The following WDR62 variants were observed in gnomAD, a reference collection of about 807,000 sequenced individuals.
WDR62 encodes the protein WD repeat domain 62.
In WDR62, 112 loss-of-function variants were observed where a neutral mutation model predicts 160.6. The ratio of observed to expected loss-of-function variants is 0.70; its 90% CI spans 0.60 to 0.82. The LOEUF is 0.82. Ranked by LOEUF, WDR62 falls within the 40% of genes least tolerant of loss-of-function variation. The probability of loss-of-function intolerance (pLI) is 0.00; values close to 1 mark genes in which losing one functional copy is unlikely to be tolerated. For synonymous variants in WDR62, 792 were observed against 815.1 expected (o/e 0.97, Z 0.48); for missense variants, 1,819 against 1,983.8 (o/e 0.92, Z 1.58).
At chr19:36,056,381 G>A (rs1175851019) in intron 1 of WDR62, among the ~76,000 whole-genome samples, 3 of 152,110 alleles carry the variant, frequency 2.0e-5, no homozygotes, top group Non-Finnish European at 4.4e-5. Context: ...CTGTCACCAA[G>A]GTTCAGTCAC....
intron 3 of WDR62, chr19:36,060,404 G>T (rs546937943): frequency 1.1e-5 from 3 of 272,640 alleles, no homozygotes; most frequent in Non-Finnish European, 2.2e-5. Flanking sequence ...TGAAGGAAGC[G>T]AGAGGGTGAC....
Position 36,084,878 on chromosome 19 carries a change from T to C in WDR62, c.1642+134T>C, listed in dbSNP as rs879779749. 10 of 804,666 alleles carry C rather than the reference T, an allele frequency of 1.2e-5. No individual in the cohort carries two copies. In the Admixed American group the frequency reaches 2.0e-4, roughly 16 times the overall value. The allele number at this position is 804,666 out of a possible 1,614,324, so 49.8% of individuals were successfully genotyped here. A position where few individuals can be genotyped will look rare whatever the true frequency, so the allele number is the denominator to read the frequency against. ...GAGTTTTGTGTTCGGTAAGGGCCCC[T>C]GTAGCTGGACCCTGAGACCAGAGTG... On this transcript the variant is annotated intron_variant, in intron 12 of 31. Transcript: ENST00000401500.
At chr19:36,074,027 G>A in intron 9 of WDR62, 2 of 324,198 alleles carry the variant, frequency 6.2e-6, no homozygotes, top group South Asian at 2.6e-5. Context: ...GACGGGGCAT[G>A]GTGGCTCACA....
chr19:36,060,576 C>T (rs1422792500), intron 3 of WDR62: 3 of 167,126 alleles, frequency 1.8e-5, no homozygotes, highest in Non-Finnish European at 2.6e-5. Flanking sequence ...AGCCACATCC[C>T]GTAGGCCTTG....
At chr19:36,056,903 T>C (rs1222764193) in intron 1 of WDR62, among the ~76,000 whole-genome samples, 1 of 151,592 alleles carries the variant, frequency 6.6e-6, no homozygotes. Context: ...TCAGCCTCCC[T>C]GGGCTCAGGT....
At chr19:36,090,942 A>G (rs535000756) in intron 16 of WDR62, among the ~76,000 whole-genome samples, 2 of 152,230 alleles carry the variant, frequency 1.3e-5, no homozygotes, top group African/African-American at 2.4e-5. Flanking sequence ...CTTGAAATGC[A>G]CACAGACAGC....
Position 36,101,543 on chromosome 19 carries a change from G to T in WDR62, c.2972-121G>T, listed in dbSNP as rs529879979. ...AACTTCCCTTATTCATAAAATGGGG[G>T]GCAGCTGCTCTTACCATCCCTCCTC... On this transcript the variant is annotated intron_variant, in intron 24 of 31. Coordinates refer to ENST00000401500, the MANE Select transcript of WDR62 (RefSeq NM_001083961.2). 17 of 839,232 alleles carry T rather than the reference G, an allele frequency of 2.0e-5. No individual in the cohort carries two copies. The African/African-American group carries it at 2.5e-4, about 12-fold the overall frequency. The allele number at this position is 839,232 out of a possible 1,614,324, so 52.0% of individuals were successfully genotyped here.
chr19:36,098,784 A>G (rs143870312), intron 21 of WDR62, among the ~76,000 whole-genome samples: 13 of 152,258 alleles, frequency 8.5e-5, no homozygotes, highest in African/African-American at 2.9e-4. Flanking sequence ...GAGCAGTCAC[A>G]TGTGCAATTC....
In WDR62 at chr19:36,067,434, T is replaced by C; in HGVS notation, c.690T>C (p.Thr230=). 5 of 1,614,212 alleles carry C rather than the reference T, an allele frequency of 3.1e-6. No homozygotes were observed. The highest frequency in any genetic ancestry group is 4.2e-6 in the Non-Finnish European group (5 of 1,180,028). The change falls in exon 6 of 32, where the codon ACT becomes ACC. Residue 230 remains threonine (T), a synonymous_variant. Transcript: ENST00000401500. ...GGTTCTGGTTCTTGGAAGTCTCCACTGAGACAAAGGTGAGTTTCTGTCCCT... is the reference window on the plus strand; with the variant it reads ...GGTTCTGGTTCTTGGAAGTCTCCACCGAGACAAAGGTGAGTTTCTGTCCCT... ...HVRFWFLEVS[T]ETKVTSTVPL...
intron 4 of WDR62, 74 bp from the exon 5 acceptor site, chr19:36,066,183 A>G (rs1970928034): frequency 1.2e-6 from 2 of 1,606,968 alleles, no homozygotes; most frequent in Admixed American, 1.7e-5. Context: ...TGGCAATGCC[A>G]TCTTCGGCCT....
rs151119220 is a variant in WDR62, at chr19:36,100,772, C to T, written c.2764C>T (p.Arg922Cys). The T allele has an allele frequency of 6.8e-5, 109 of 1,614,146 alleles. No homozygotes were observed. Among genetic ancestry groups the T allele is most frequent in the Admixed American group, 2.5e-4 (15 of 60,028 alleles). The change falls in exon 23 of 32, where the codon CGC becomes TGC. Residue 922 changes from arginine (R) to cysteine (C), a missense_variant. Physicochemically the swap from Arg to Cys is radical, Grantham distance 180. This residue lies in a region of WDR62 where 934 missense variants were observed against 1,157.2 expected (regional missense o/e 0.81). Transcript: ENST00000401500. ...SESESPQEAGRGHPSFLPQQK... is the reference protein window; with the variant it reads ...SESESPQEAGCGHPSFLPQQK... Reference sequence around the variant, plus strand: ...GTCAGAGAGTCCCCAGGAAGCTGGCCGCGGGCACCCCTCCTTCCTGCCCCA... The same window carrying T: ...GTCAGAGAGTCCCCAGGAAGCTGGCTGCGGGCACCCCTCCTTCCTGCCCCA...
At chr19:36,072,226 G>A (rs185935704) in intron 8 of WDR62, among the ~76,000 whole-genome samples, 128 of 152,340 alleles carry the variant, frequency 8.4e-4, no homozygotes, top group African/African-American at 2.8e-3. Context: ...AGAGTGACTG[G>A]GGTGGGCTGT....
At chr19:36,101,871 G>A (rs1048012930) in intron 25 of WDR62, 97 bp downstream of exon 25, 5 of 1,521,246 alleles carry the variant, frequency 3.3e-6, no homozygotes, top group African/African-American at 2.7e-5. Context: ...GGAGCCCACT[G>A]AGCCTGGAAG....
At chr19:36,094,246 C>G in intron 20 of WDR62, 82 bp downstream of exon 20, 2 of 1,567,586 alleles carry the variant, frequency 1.3e-6, no homozygotes, top group Non-Finnish European at 1.8e-6. Context: ...TTTACAGGGC[C>G]TGGCACATAT....
chr19:36,105,466 G>A (rs1394776056), downstream of WDR62, among the ~76,000 whole-genome samples: 2 of 151,836 alleles, frequency 1.3e-5, no homozygotes, highest in Non-Finnish European at 2.9e-5. Flanking sequence ...ATGGCTCAGG[G>A]CCTCTGGGCC....
At chr19:36,077,117 C>T (rs748466197) in intron 9 of WDR62, among the ~76,000 whole-genome samples, 2 of 152,070 alleles carry the variant, frequency 1.3e-5, no homozygotes, top group Non-Finnish European at 2.9e-5. Flanking sequence ...AGAACATTTT[C>T]ATCACCCACC....
chr19:36,055,150 T>C lies in WDR62; in HGVS notation c.177+2T>C. The C allele has an allele frequency of 6.2e-7, 1 of 1,605,504 alleles. No homozygotes were observed. The highest frequency in any genetic ancestry group is 8.5e-7 in the Non-Finnish European group (1 of 1,177,182). On this transcript the variant is annotated splice_donor_variant, in intron 1 of 31. Transcript: ENST00000401500. LOFTEE classifies it high-confidence loss of function. ...TCCGAGGAGACGGTGCAGAACCGGG[T>C]GAGAAGCTGCTCGCCATGTCTACCC...
downstream of WDR62, among the ~76,000 whole-genome samples, chr19:36,107,651 G>C (rs1973739499): frequency 6.6e-6 from 1 of 152,006 alleles, no homozygotes. Context: ...AGATTGCTTT[G>C]ATGTGCTTGG....
At chr19:36,072,335 T>C (rs1971343241) in intron 8 of WDR62, among the ~76,000 whole-genome samples, 1 of 151,960 alleles carries the variant, frequency 6.6e-6, no homozygotes, top group South Asian at 2.1e-4. Context: ...GCAGGAATAG[T>C]AAGGGACTGT....
Sources: gnomAD v4.1 joint callset for allele counts (sites outside exome capture counted in the v4.1 genomes callset) on GRCh38, gnomAD v4.1.1 for gene constraint, gnomAD v4.1.1 regional missense constraint, MANE v1.5 for transcripts, NCBI Gene and HGNC (gene_info 2026-07-23, HGNC 2026-07-21) for gene names.